The following ATG2B variants were observed in gnomAD, a reference collection of about 807,000 sequenced individuals.
ATG2B encodes autophagy-related protein 2 homolog B.
ATG2B carries 121 observed loss-of-function variants against 241.3 expected under a neutral mutation model. That is an observed-to-expected ratio of 0.50 (90% CI 0.43 to 0.58). The LOEUF (loss-of-function observed/expected upper bound fraction) is 0.58. Ranked by LOEUF, ATG2B falls within the 20% of genes least tolerant of loss-of-function variation. The pLI, the probability that ATG2B is intolerant of heterozygous loss-of-function variation, is 0.00. For synonymous variants in ATG2B, 858 were observed against 876.6 expected (o/e 0.98, Z 0.37); for missense variants, 2,306 against 2,491.6 (o/e 0.93, Z 1.59).
chr14:96,308,266 A>ATATATATATATG lies in ATG2B; in HGVS notation c.4303+1186_4303+1187insCATATATATATA, dbSNP rs1414726580. ...TATATATATATACACACATATATAT[A>ATATATATATATG]TATATATATATATATATTTTTTTTT... On this transcript the variant is annotated intron_variant, in intron 29 of 41. Coordinates refer to ENST00000359933, the MANE Select transcript of ATG2B (RefSeq NM_018036.7). Among the ~76,000 whole-genome samples, 128 of 15,542 alleles carry ATATATATATATG rather than the reference A, an allele frequency of 8.2e-3. 5 individuals carry two copies. Among genetic ancestry groups the ATATATATATATG allele is most frequent in the Non-Finnish European group, 0.014 (103 of 7,598 alleles). The allele number at this position is 15,542 out of a possible 152,430, so 10.2% of individuals were successfully genotyped here.
chr14:96,347,912 G>C (rs1305114295), intron 1 of ATG2B, among the ~76,000 whole-genome samples: 2 of 152,156 alleles, frequency 1.3e-5, no homozygotes, highest in African/African-American at 4.8e-5. Flanking sequence ...ACCCACTATG[G>C]AGAACAATTT....
rs1176820421 is a variant in ATG2B at position 96,283,294 on chromosome 14, G to A, written c.*2461C>T. ...CATGCGCGATCTACTCTAGTCAGAA[G>A]CATGACACCAACCCAACCACCCAGG... is the stretch of plus-strand genomic sequence containing the variant. On this transcript the variant is annotated 3_prime_UTR_variant, in exon 42 of 42. Coordinates refer to ENST00000359933, the MANE Select transcript of ATG2B (RefSeq NM_018036.7). The A allele has an allele frequency of 1.8e-5, 1 of 54,872 alleles. No homozygotes were observed. Among genetic ancestry groups the A allele is most frequent in the Non-Finnish European group, 3.2e-5 (1 of 31,010 alleles). 3.4% of individuals were successfully genotyped at this position (54,872 alleles called of 1,614,324 possible).
chr14:96,320,047 T>G (rs780736203), intron 18 of ATG2B, among the ~76,000 whole-genome samples: 2 of 152,066 alleles, frequency 1.3e-5, no homozygotes, highest in Non-Finnish European at 2.9e-5. Context: ...TCTTAAGCAA[T>G]CCATTAAACC....
chr14:96,285,826 C>T lies in ATG2B; in HGVS notation c.6166G>A (p.Gly2056Ser), dbSNP rs765082459. 1 of 1,614,148 alleles carries T rather than the reference C, an allele frequency of 6.2e-7. No individual in the cohort carries two copies. Among genetic ancestry groups the T allele is most frequent in the Non-Finnish European group, 8.5e-7 (1 of 1,180,030 alleles). The change falls in exon 42 of 42, where the codon GGC becomes AGC. Residue 2056 changes from glycine to serine, a missense_variant. By Grantham distance (56) the Gly-to-Ser change is moderately conservative (BLOSUM62 0). Coordinates refer to ENST00000359933, the MANE Select transcript of ATG2B (RefSeq NM_018036.7). The surrounding 1 kb of genome is among the most constrained non-coding windows in gnomAD (Gnocchi z 4.2). Reference protein sequence around the residue: ...ATEATSNVLGGMRNQIRPDVR... With the variant: ...ATEATSNVLGSMRNQIRPDVR... ...TCTGGCCTAATTTGGTTTCTCATGC[C>T]ACCCAGCACGTTTGACGTTGCTTCT... is the stretch of plus-strand genomic sequence containing the variant.
chr14:96,337,948 A>C (rs1887909000), intron 6 of ATG2B, among the ~76,000 whole-genome samples: 1 of 152,142 alleles, frequency 6.6e-6, no homozygotes, highest in African/African-American at 2.4e-5. Context: ...CTATTCTTTC[A>C]GCAGTGTTTT....
chr14:96,293,679 T>C (rs767861863), intron 36 of ATG2B, among the ~76,000 whole-genome samples: 1 of 152,234 alleles, frequency 6.6e-6, no homozygotes, highest in Non-Finnish European at 1.5e-5. Flanking sequence ...TTGTAAGGTG[T>C]GTAATTTAGA....
intron 5 of ATG2B, 133 bp downstream of exon 5, chr14:96,342,986 T>C (rs1888082016): frequency 1.7e-6 from 1 of 587,404 alleles, no homozygotes; most frequent in Non-Finnish European, 2.8e-6. Context: ...TTACCATTAC[T>C]GAATATTTGC....
chr14:96,331,510 G>T lies in ATG2B; in HGVS notation c.1596C>A (p.Asn532Lys), dbSNP rs760620323. The T allele has an allele frequency of 1.2e-6, 2 of 1,614,086 alleles. No homozygotes were observed. The highest frequency in any genetic ancestry group is 1.7e-5 in the Admixed American group (1 of 60,018). ...CTGCCATAGGTGTCAATGGATTAAGGTTCTGTGACGTTTCAGGTGGAGATA... is the reference window on the plus strand; with the variant it reads ...CTGCCATAGGTGTCAATGGATTAAGTTTCTGTGACGTTTCAGGTGGAGATA... The part of the protein sequence containing the change: ...DPLSPPETSQ[N>K]LNPLTPMAVA... Residue 532 changes from asparagine to lysine, a missense_variant, in exon 11 of 42, where the codon AAC becomes AAA. Asn to Lys is a moderately conservative substitution (Grantham distance 94). Transcript: ENST00000359933.
intron 1 of ATG2B, 82 bp from the exon 2 acceptor site, chr14:96,347,423 C>G (rs1026339361): frequency 1.8e-6 from 2 of 1,103,416 alleles, no homozygotes; most frequent in African/African-American, 3.1e-5. Context: ...GTCAAATATG[C>G]CCACACATGT....
intron 31 of ATG2B, 63 bp downstream of exon 31, chr14:96,305,526 T>A (rs1886917307): frequency 1.7e-6 from 2 of 1,155,764 alleles, no homozygotes; most frequent in Admixed American, 5.4e-5. Context: ...AATGGAAAAT[T>A]CTATTTTTCT....
At chr14:96,336,554 T>TATACATAATGTTTTATTATA (rs1474308950) in intron 6 of ATG2B, among the ~76,000 whole-genome samples, 2 of 152,208 alleles carry the variant, frequency 1.3e-5, no homozygotes, top group Non-Finnish European at 2.9e-5. Context: ...TGTACAAATG[T>TATACATAATGTTTTATTATA]ATACATAATG....
rs1887044650 is a variant in ATG2B at position 96,308,268 on chromosome 14, ATATATATATATATATTTTT to A, written c.4303+1166_4303+1184del. ...TATATATATACACACATATATATAT[ATATATATATATATATTTTT>A]TTTTTTTTTTTTTTTGAGACAGAAT... On this transcript the variant is annotated intron_variant, in intron 29 of 41. Transcript: ENST00000359933. 3.1e-3 allele frequency among the ~76,000 whole-genome samples: 48 copies of A among 15,346 alleles called. 1 individual carries two copies. Among genetic ancestry groups the A allele is most frequent in the South Asian group, 0.015 (9 of 612 alleles). 10.1% of individuals were successfully genotyped at this position (15,346 alleles called of 152,430 possible). A position where few individuals can be genotyped will look rare whatever the true frequency, so the allele number is the denominator to read the frequency against.
chr14:96,332,612 A>C lies in ATG2B; in HGVS notation c.1251T>G (p.His417Gln), dbSNP rs553816052. The C allele has an allele frequency of 3.7e-6, 6 of 1,602,616 alleles. No individual in the cohort carries two copies. The South Asian group carries it at 6.8e-5, about 18-fold the overall frequency. ...CAAGGGGTGGAAGAGAAGAGAGACTATGAGACATGTCCATATCAGCCATGG... is the reference window on the plus strand; with the variant it reads ...CAAGGGGTGGAAGAGAAGAGAGACTCTGAGACATGTCCATATCAGCCATGG... The part of the protein sequence containing the change: ...FFSMADMDMS[H>Q]SLSSLPPLGD... The change falls in exon 9 of 42, where the codon CAT becomes CAG. Residue 417 changes from histidine (H) to glutamine (Q), a missense_variant. By Grantham distance (24) the His-to-Gln change is conservative. Around this residue, in one of 2 missense-constraint regions of ATG2B, gnomAD observed 1,927 missense variants for 2,011.2 expected, o/e 0.96. Transcript: ENST00000359933.
At chr14:96,354,657 C>A (rs957604690) in intron 1 of ATG2B, among the ~76,000 whole-genome samples, 1 of 152,114 alleles carries the variant, frequency 6.6e-6, no homozygotes. Flanking sequence ...GTTGCTAGGT[C>A]AAATGGTATT....
intron 34 of ATG2B, among the ~76,000 whole-genome samples, chr14:96,300,520 G>A (rs1039003198): frequency 6.6e-5 from 10 of 152,146 alleles, no homozygotes; most frequent in Admixed American, 2.6e-4. Flanking sequence ...CACTGTGGCG[G>A]GGGAAGAAAA....
At position 96,289,563 on chromosome 14, in the gene ATG2B, A is replaced by G; in HGVS notation, c.6006+93T>C. On this transcript the variant is annotated intron_variant, in intron 41 of 41. Transcript: ENST00000359933. This position sits in a 1 kb window ranked among gnomAD's most constrained non-coding sequence, Gnocchi z 4.3. The stretch of plus-strand genomic sequence containing the variant: ...TGCCATTCTGCTCCCAGGGATTTCT[A>G]CAGAATACATTTAAGCCATTAAATG... 6.9e-7 allele frequency: 1 copy of G among 1,458,500 alleles called. No homozygotes were observed. The highest frequency in any genetic ancestry group is 9.4e-7 in the Non-Finnish European group (1 of 1,069,362). 90.3% of individuals were successfully genotyped at this position (1,458,500 alleles called of 1,614,324 possible).
At chr14:96,344,542 C>A (rs1172620277) in intron 4 of ATG2B, 112 bp downstream of exon 4, 3 of 509,972 alleles carry the variant, frequency 5.9e-6, no homozygotes, top group African/African-American at 2.0e-5. Flanking sequence ...GCACTTTACT[C>A]TGAAATTATG....
chr14:96,287,490 G>C (rs540488674), intron 41 of ATG2B, among the ~76,000 whole-genome samples: 1 of 152,214 alleles, frequency 6.6e-6, no homozygotes, highest in South Asian at 2.1e-4. Flanking sequence ...CTACGTTTGC[G>C]GACAACAGAA....
chr14:96,317,605 CAT>C (rs1222539538), intron 19 of ATG2B, 91 bp downstream of exon 19: 17 of 1,122,196 alleles, frequency 1.5e-5, no homozygotes, highest in Admixed American at 1.3e-4. Context: ...TACAATGAAA[CAT>C]AAAGATTTTT....
Sources: allele counts gnomAD v4.1 joint callset (sites outside exome capture counted in the v4.1 genomes callset), GRCh38; gene constraint gnomAD v4.1.1; regional missense constraint gnomAD v4.1.1; non-coding constraint Gnocchi (gnomAD v3.1); transcripts MANE v1.5; gene names NCBI Gene and HGNC (gene_info 2026-07-23, HGNC 2026-07-21).